SLC2A9: variants seen among roughly 807,000 people sequenced by gnomAD.
SLC2A9 encodes solute carrier family 2 member 9.
Under a neutral mutation model 50.6 loss-of-function variants are expected in SLC2A9, and 39 were observed. The observed-to-expected ratio is 0.77, with a 90% CI of 0.60 to 1.01. The LOEUF (loss-of-function observed/expected upper bound fraction) is 1.01. Ranked by LOEUF, SLC2A9 falls within the 50% of genes least tolerant of loss-of-function variation. The pLI is 0.00. For synonymous variants in SLC2A9, 324 were observed against 276.9 expected (o/e 1.17, Z -1.69); for missense variants, 686 against 677.6 (o/e 1.01, Z -0.14).
At chr4:9,813,412 T>A (rs1444592348) in intron 3 of SLC2A9, among the ~76,000 whole-genome samples, 2 of 152,236 alleles carry the variant, frequency 1.3e-5, no homozygotes, top group Non-Finnish European at 2.9e-5. Flanking sequence ...CGCAGTTTGA[T>A]GAAATCCTAA....
chr4:9,941,807 C>A, intron 6 of SLC2A9, 106 bp downstream of exon 6: 1 of 1,518,068 alleles, frequency 6.6e-7, no homozygotes, highest in Non-Finnish European at 9.0e-7. Flanking sequence ...CAAAAAGGAA[C>A]AATGACAACA....
chr4:9,776,452 G>A (rs183601619), downstream of SLC2A9, among the ~76,000 whole-genome samples: 1 of 151,950 alleles, frequency 6.6e-6, no homozygotes, highest in South Asian at 2.1e-4. Context: ...ACTGACCCCA[G>A]CTACCTTGGA....
chr4:9,782,204 G>A lies in SLC2A9; in HGVS notation n.386-2139C>T, dbSNP rs377175551. The A allele has an allele frequency of 3.7e-5, 60 of 1,610,902 alleles. No homozygotes were observed. The highest frequency in any genetic ancestry group is 1.2e-4 in the Admixed American group (7 of 59,850). ...CATCATCTGGACCCTGCTGGGCAAC[G>A]TGCTGGTGTGCGCAGCCATCGTGCG... On this transcript the variant is annotated intron_variant and non_coding_transcript_variant, in intron 3 of 3. Coordinates refer to the SLC2A9 transcript ENST00000503803.
At position 9,793,135 on chromosome 4, in the gene SLC2A9, T is replaced by C. The variant is rs564940640; in HGVS notation, n.386-13070A>G. Among the ~76,000 whole-genome samples the C allele has an allele frequency of 5.3e-5, 8 of 152,364 alleles. 1 individual carries two copies. In the South Asian group the frequency reaches 1.7e-3, roughly 32 times the overall value. On this transcript the variant is annotated intron_variant and non_coding_transcript_variant, in intron 3 of 3. Coordinates refer to the SLC2A9 transcript ENST00000503803. ...AGTTCATACTTAAATATGTAAATAG[T>C]GCACAAGATTTTGCAGCCTGAACAG...
chr4:10,016,718 A>T (rs549246503), intron 2 of SLC2A9, among the ~76,000 whole-genome samples: 1 of 152,240 alleles, frequency 6.6e-6, no homozygotes, highest in South Asian at 2.1e-4. Flanking sequence ...CATATTAAAT[A>T]AGTAAATAAA....
intron 6 of SLC2A9, among the ~76,000 whole-genome samples, chr4:9,928,551 G>T (rs1745321994): frequency 6.6e-6 from 1 of 152,192 alleles, no homozygotes; most frequent in South Asian, 2.1e-4. Context: ...GGCCAACGTG[G>T]TGAAACCCCA....
At chr4:9,789,832 A>G (rs1416930370) in intron 3 of SLC2A9, among the ~76,000 whole-genome samples, 1 of 152,232 alleles carries the variant, frequency 6.6e-6, no homozygotes, top group Admixed American at 6.5e-5. Flanking sequence ...TTCCAGGGAA[A>G]ACACTCAGAA....
chr4:9,918,968 A>G (rs1037461776), intron 7 of SLC2A9, among the ~76,000 whole-genome samples: 2 of 152,128 alleles, frequency 1.3e-5, no homozygotes, highest in African/African-American at 4.8e-5. Flanking sequence ...TTGCAGGTAC[A>G]CCATAGAGGA....
At chr4:9,781,115 C>T (rs1718298503) in intron 3 of SLC2A9, among the ~76,000 whole-genome samples, 2 of 152,156 alleles carry the variant, frequency 1.3e-5, no homozygotes, top group Admixed American at 6.5e-5. Flanking sequence ...TCCTAGGAGA[C>T]ACTGTCTACT....
chr4:9,959,976 T>A (rs1419625855), intron 5 of SLC2A9, among the ~76,000 whole-genome samples: 5 of 152,238 alleles, frequency 3.3e-5, no homozygotes, highest in African/African-American at 7.2e-5. Flanking sequence ...ATTGTCCCAC[T>A]TCAACACCAC....
At chr4:9,961,964 A>G (rs941433163) in intron 5 of SLC2A9, among the ~76,000 whole-genome samples, 1 of 152,256 alleles carries the variant, frequency 6.6e-6, no homozygotes, top group Non-Finnish European at 1.5e-5. Context: ...CATATGAAAA[A>G]AAGCTCAACA....
At chr4:10,012,281 ATGG>A (rs1761892393) in intron 2 of SLC2A9, among the ~76,000 whole-genome samples, 1 of 152,224 alleles carries the variant, frequency 6.6e-6, no homozygotes, top group Non-Finnish European at 1.5e-5. Flanking sequence ...ATCTGTGAAC[ATGG>A]TGGAGGTGGT....
At position 9,829,471 on chromosome 4, in the gene SLC2A9, CA is replaced by C. The variant is rs33935471; in HGVS notation, c.1420-2872del. On this transcript the variant is annotated intron_variant, in intron 11 of 11. Transcript: ENST00000264784. ...GGCAAAGATTTCATGACAAAAATGT[CA>C]AAAAAAAAAAAAAAGAAGAGCAACA... Among the ~76,000 whole-genome samples, 55 of 135,886 alleles carry C rather than the reference CA, an allele frequency of 4.0e-4. No individual in the cohort carries two copies. The South Asian group carries it at 5.5e-3, about 14-fold the overall frequency. The allele number at this position is 135,886 out of a possible 152,430, so 89.1% of individuals were successfully genotyped here.
intron 2 of SLC2A9, among the ~76,000 whole-genome samples, chr4:10,001,645 G>T (rs1759834074): frequency 6.6e-6 from 1 of 152,102 alleles, no homozygotes; most frequent in South Asian, 2.1e-4. Flanking sequence ...CCCCTCACTG[G>T]GGCTACCAGG....
intron 10 of SLC2A9, among the ~76,000 whole-genome samples, chr4:9,847,704 TA>T (rs1729207494): frequency 6.6e-6 from 1 of 152,194 alleles, no homozygotes; most frequent in Non-Finnish European, 1.5e-5. Flanking sequence ...AGCACAAGAT[TA>T]ACGTTCTCCT....
rs141813453 is a variant in SLC2A9 at position 10,016,372 on chromosome 4, G to A, written c.249+2603C>T. 3.6e-3 allele frequency among the ~76,000 whole-genome samples: 543 copies of A among 152,270 alleles called. 5 individuals carry two copies. Among genetic ancestry groups the A allele is most frequent in the African/African-American group, 0.012 (494 of 41,524 alleles). The stretch of plus-strand genomic sequence containing the variant: ...CTCAGTTTCGTCATCTGTAAAATGG[G>A]GATAATGATGATCCATACCTCACAG... On this transcript the variant is annotated intron_variant, in intron 2 of 11. Transcript: ENST00000264784.
intron 2 of SLC2A9, among the ~76,000 whole-genome samples, chr4:10,015,710 G>T (rs557438388): frequency 1.2e-3 from 176 of 152,320 alleles, no homozygotes; most frequent in Middle Eastern, 6.8e-3. Context: ...CAAGCCAGAA[G>T]GAAGGTCCTT....
chr4:10,027,497 A>C (rs1033452076), intron 1 of SLC2A9, among the ~76,000 whole-genome samples: 1 of 151,938 alleles, frequency 6.6e-6, no homozygotes, highest in Admixed American at 6.6e-5. Flanking sequence ...GATCTGAATG[A>C]GCTCATCAAC....
intron 10 of SLC2A9, among the ~76,000 whole-genome samples, chr4:9,861,630 T>C (rs1219688641): frequency 6.6e-6 from 1 of 152,206 alleles, no homozygotes; most frequent in African/African-American, 2.4e-5. Context: ...ATCTGCCATA[T>C]AGGGGCTCCT....
Sources: gnomAD v4.1 joint callset for allele counts (sites outside exome capture counted in the v4.1 genomes callset) on GRCh38, gnomAD v4.1.1 for gene constraint, MANE v1.5 for transcripts, NCBI Gene and HGNC (gene_info 2026-07-23, HGNC 2026-07-21) for gene names.